Variants in OTUD5 observed in about 807,000 individuals in gnomAD.
The protein encoded by OTUD5 is OTU domain-containing protein 5.
A neutral mutation model predicts 36.3 loss-of-function variants in OTUD5; 2 were observed. The ratio of observed to expected loss-of-function variants is 0.06; its 90% CI spans 0.02 to 0.17. The LOEUF (loss-of-function observed/expected upper bound fraction) is 0.17. Ranked by LOEUF, OTUD5 falls within the 10% of genes least tolerant of loss-of-function variation. The pLI is 1.00. For missense variants in OTUD5, 233 were observed against 512.3 expected (o/e 0.45, Z 5.26); for synonymous variants, 234 against 214.9 (o/e 1.09, Z -0.78).
chrX:48,926,586 C>T (rs1557047813), intron 5 of OTUD5, among the ~76,000 whole-genome samples: 1 of 111,386 alleles, frequency 9.0e-6, no homozygotes, highest in Admixed American at 9.6e-5. Context: ...CTCCTGACCT[C>T]AGGTGATCCA....
chrX:48,954,895 C>A lies in OTUD5; in HGVS notation c.594+2082G>T, dbSNP rs1266524428. On this transcript the variant is annotated intron_variant, in intron 1 of 8. Transcript: ENST00000376488. ...AATCTTCTCATAGAAAGTAGGAGGA[C>A]CTTCTTGGCCCTGGCCACGAGGGAG... 2.7e-5 allele frequency among the ~76,000 whole-genome samples: 3 copies of A among 111,993 alleles called. No homozygotes were observed. In the East Asian group the frequency reaches 8.4e-4, roughly 31 times the overall value.
chrX:48,933,845 A>C (rs1181119986), intron 5 of OTUD5, among the ~76,000 whole-genome samples: 1 of 112,090 alleles, frequency 8.9e-6, no homozygotes, highest in Non-Finnish European at 1.9e-5. Context: ...ATGAAGCAGG[A>C]GTACTTTGTG....
At chrX:48,931,158 A>G (rs1557048719) in intron 5 of OTUD5, among the ~76,000 whole-genome samples, 1 of 111,698 alleles carries the variant, frequency 9.0e-6, no homozygotes, top group East Asian at 2.8e-4. Context: ...CACACAGTAC[A>G]GTATGGAAAA....
rs782621760 is a variant in OTUD5 at position 48,956,940 on chromosome X, T to A, written c.594+37A>T. The stretch of plus-strand genomic sequence containing the variant: ...CCCTTCACAGTCTGGGGGTCCCATC[T>A]GCCGTGGCCGCTCACCCCTCACCCC... On this transcript the variant is annotated intron_variant, in intron 1 of 8. Transcript: ENST00000376488. 21 of 1,100,112 alleles carry A rather than the reference T, an allele frequency of 1.9e-5. No homozygotes were observed. The African/African-American group carries it at 3.8e-4, about 20-fold the overall frequency. 90.7% of individuals were successfully genotyped at this position (1,100,112 alleles called of 1,213,427 possible).
In OTUD5 at chrX:48,957,443, G is replaced by A; in HGVS notation, c.128C>T (p.Thr43Met). 2 of 997,879 alleles carry A rather than the reference G, an allele frequency of 2.0e-6. No homozygotes were observed. The highest frequency in any genetic ancestry group is 3.0e-5 in the South Asian group (1 of 33,844). The allele number at this position is 997,879 out of a possible 1,213,427, so 82.2% of individuals were successfully genotyped here. A position where few individuals can be genotyped will look rare whatever the true frequency, so the allele number is the denominator to read the frequency against. ...GGGVGVGGGG[T>M]GVGGGDRDRD... ...GTCGCGATCGCCGCCGCCCACGCCC[G>A]TGCCGCCGCCGCCCACGCCCACACC... The change falls in exon 1 of 9, where the codon ACG becomes ATG. Residue 43 changes from threonine to methionine, a missense_variant. Thr to Met is a moderately conservative substitution (Grantham distance 81). Transcript: ENST00000376488.
intron 2 of OTUD5, among the ~76,000 whole-genome samples, chrX:48,935,765 C>T (rs1481308298): frequency 1.8e-5 from 2 of 109,234 alleles, no homozygotes; most frequent in African/African-American, 6.7e-5. Flanking sequence ...GTGGTAAAAC[C>T]CCGTCTCTAC....
intron 2 of OTUD5, among the ~76,000 whole-genome samples, chrX:48,939,663 C>T (rs1466110108): frequency 8.9e-6 from 1 of 112,189 alleles, no homozygotes; most frequent in Non-Finnish European, 1.9e-5. Flanking sequence ...TGGCCTCTGG[C>T]AGGGTAGGTG....
intron 2 of OTUD5, among the ~76,000 whole-genome samples, chrX:48,942,711 C>G (rs909627415): frequency 7.4e-5 from 8 of 108,281 alleles, no homozygotes; most frequent in African/African-American, 1.0e-4. Context: ...TTCACTCCAC[C>G]CTTTCAACAA....
chrX:48,933,871 C>T (rs1276664787), intron 5 of OTUD5, among the ~76,000 whole-genome samples: 1 of 111,053 alleles, frequency 9.0e-6, no homozygotes, highest in Non-Finnish European at 1.9e-5. Flanking sequence ...AGAAGTGAAA[C>T]CTGAATAGAA....
chrX:48,934,947 T>C lies in OTUD5; in HGVS notation c.753+7A>G. On this transcript the variant is annotated splice_region_variant and intron_variant, in intron 3 of 8. Coordinates refer to ENST00000376488, the MANE Select transcript of OTUD5 (RefSeq NM_001136157.2). The stretch of plus-strand genomic sequence containing the variant: ...TGCCCCTTCCCCAAAGGCCTCCATT[T>C]TCTCACCAGATAGTCCATGCAATGC... The C allele has an allele frequency of 8.3e-7, 1 of 1,210,348 alleles. No individual in the cohort carries two copies. Among genetic ancestry groups the C allele is most frequent in the Non-Finnish European group, 1.1e-6 (1 of 894,023 alleles).
At chrX:48,936,929 G>A (rs2147598609) in intron 2 of OTUD5, among the ~76,000 whole-genome samples, 1 of 111,698 alleles carries the variant, frequency 9.0e-6, no homozygotes, top group Admixed American at 9.5e-5. Context: ...GTTCTTCCCT[G>A]TCAGTCTACC....
At chrX:48,926,950 G>A (rs1557047865) in intron 5 of OTUD5, among the ~76,000 whole-genome samples, 1 of 111,359 alleles carries the variant, frequency 9.0e-6, no homozygotes, top group African/African-American at 3.3e-5. Context: ...ATATCCCAGG[G>A]AATAAGTGCA....
intron 6 of OTUD5, among the ~76,000 whole-genome samples, 159 bp from the exon 7 acceptor site, chrX:48,924,211 T>C (rs1410571265): frequency 9.0e-6 from 1 of 111,662 alleles, no homozygotes; most frequent in Non-Finnish European, 1.9e-5. Context: ...ACAAGACTCC[T>C]CACAGGACAG....
At chrX:48,952,600 G>T (rs1449548876) in intron 1 of OTUD5, among the ~76,000 whole-genome samples, 1 of 112,347 alleles carries the variant, frequency 8.9e-6, no homozygotes, top group Admixed American at 9.4e-5. Context: ...AAACTTTCAT[G>T]AAGGGTGAGG....
At chrX:48,951,022 G>A (rs1557053714) in intron 1 of OTUD5, among the ~76,000 whole-genome samples, 1 of 109,844 alleles carries the variant, frequency 9.1e-6, no homozygotes, top group Non-Finnish European at 1.9e-5. Flanking sequence ...AGGTCCACCT[G>A]CCTACCATCC....
At chrX:48,951,431 A>G (rs184720840) in intron 1 of OTUD5, among the ~76,000 whole-genome samples, 16 of 111,556 alleles carry the variant, frequency 1.4e-4, no homozygotes, top group African/African-American at 4.6e-4. Flanking sequence ...TGGCTAACAC[A>G]GTGAATCCCT....
chrX:48,947,492 C>T (rs782511080), intron 1 of OTUD5, among the ~76,000 whole-genome samples: 23 of 109,767 alleles, frequency 2.1e-4, no homozygotes, highest in South Asian at 1.2e-3. Flanking sequence ...CACCTGAGGT[C>T]GGGAGTTTGA....
intron 5 of OTUD5, among the ~76,000 whole-genome samples, chrX:48,934,003 T>C (rs145652977): frequency 5.6e-3 from 626 of 111,726 alleles, no homozygotes; most frequent in Non-Finnish European, 9.1e-3. Flanking sequence ...CCAGGCCCAG[T>C]GGGAGGTGCT....
chrX:48,930,959 T>C (rs2063743266), intron 5 of OTUD5, among the ~76,000 whole-genome samples: 2 of 99,956 alleles, frequency 2.0e-5, no homozygotes, highest in African/African-American at 3.9e-5. Flanking sequence ...CGAAACTCCC[T>C]CTCAAAAAAA....
Sources: gnomAD v4.1 joint callset for allele counts (sites outside exome capture counted in the v4.1 genomes callset) on GRCh38, gnomAD v4.1.1 for gene constraint, MANE v1.5 for transcripts, NCBI Gene and HGNC (gene_info 2026-07-23, HGNC 2026-07-21) for gene names.